Variants in CDH6 observed in about 807,000 individuals in gnomAD.
CDH6 encodes cadherin-6.
Under a neutral mutation model 78.0 loss-of-function variants are expected in CDH6, and 31 were observed. That is an observed-to-expected ratio of 0.40 (90% CI 0.30 to 0.54). CDH6 has a LOEUF of 0.54. Ranked by LOEUF, CDH6 falls within the 20% of genes least tolerant of loss-of-function variation. The probability of loss-of-function intolerance (pLI) is 0.56; values close to 1 mark genes in which losing one functional copy is unlikely to be tolerated. For missense variants in CDH6, 724 were observed against 975.9 expected (o/e 0.74, Z 3.44); for synonymous variants, 376 against 368.8 (o/e 1.02, Z -0.23).
chr5:31,305,164 C>T lies in CDH6; in HGVS notation c.1000-10C>T. The T allele has an allele frequency of 1.2e-6, 2 of 1,604,054 alleles. No homozygotes were observed. Among genetic ancestry groups the T allele is most frequent in the African/African-American group, 1.3e-5 (1 of 74,478 alleles). On this transcript the variant is annotated splice_polypyrimidine_tract_variant and intron_variant, in intron 6 of 11. Transcript: ENST00000265071. The stretch of plus-strand genomic sequence containing the variant: ...AATATGTCACTTCTTCCCCCACCCC[C>T]AACCTCAAGCTCTTGGACTTTGAAA...
intron 1 of CDH6, among the ~76,000 whole-genome samples, chr5:31,214,587 A>G (rs957156752): frequency 2.0e-5 from 3 of 152,224 alleles, no homozygotes; most frequent in Non-Finnish European, 2.9e-5. Context: ...TCTAAAAGAA[A>G]TCACATTGGA....
At chr5:31,206,094 G>A (rs1740511106) in intron 1 of CDH6, among the ~76,000 whole-genome samples, 1 of 152,124 alleles carries the variant, frequency 6.6e-6, no homozygotes, top group Non-Finnish European at 1.5e-5. Context: ...TGTGCCTTTT[G>A]TGCTCTATAT....
At chr5:31,216,372 G>A (rs1740863560) in intron 1 of CDH6, among the ~76,000 whole-genome samples, 1 of 151,868 alleles carries the variant, frequency 6.6e-6, no homozygotes, top group Non-Finnish European at 1.5e-5. Context: ...AAAATGGTTT[G>A]TCCATTTTTA....
At chr5:31,254,076 C>A (rs540815675) in intron 1 of CDH6, among the ~76,000 whole-genome samples, 13 of 152,250 alleles carry the variant, frequency 8.5e-5, no homozygotes, top group African/African-American at 3.1e-4. Flanking sequence ...CTTGCCCCCT[C>A]CCACAACATC....
At chr5:31,196,178 C>T (rs1335833576) in intron 1 of CDH6, among the ~76,000 whole-genome samples, 1 of 152,126 alleles carries the variant, frequency 6.6e-6, no homozygotes, top group Non-Finnish European at 1.5e-5. Context: ...ATCAGCTTTG[C>T]AAGGAAAAAC....
intron 1 of CDH6, among the ~76,000 whole-genome samples, chr5:31,201,154 A>G (rs1232280787): frequency 6.6e-6 from 1 of 152,166 alleles, no homozygotes. Flanking sequence ...ATTTATAATT[A>G]TTCTGTGAAG....
intron 2 of CDH6, among the ~76,000 whole-genome samples, chr5:31,288,386 C>T (rs1462569925): frequency 6.6e-6 from 1 of 152,142 alleles, no homozygotes; most frequent in Non-Finnish European, 1.5e-5. Context: ...TTTTGATTTA[C>T]CTAATCCTAT....
chr5:31,252,530 A>G (rs1741937982), intron 1 of CDH6, among the ~76,000 whole-genome samples: 1 of 152,142 alleles, frequency 6.6e-6, no homozygotes, highest in South Asian at 2.1e-4. Context: ...GCTAAATTAT[A>G]TTTTGGCTTA....
chr5:31,210,399 G>A (rs1179850005), intron 1 of CDH6, among the ~76,000 whole-genome samples: 4 of 152,110 alleles, frequency 2.6e-5, no homozygotes, highest in Non-Finnish European at 4.4e-5. Flanking sequence ...AGCTACTCAG[G>A]AGGCTGAGGC....
intron 1 of CDH6, among the ~76,000 whole-genome samples, chr5:31,221,261 A>G (rs1410976693): frequency 6.6e-6 from 1 of 152,186 alleles, no homozygotes; most frequent in Non-Finnish European, 1.5e-5. Flanking sequence ...ACTACTGATT[A>G]GATAGGTTGA....
intron 11 of CDH6, among the ~76,000 whole-genome samples, chr5:31,321,564 A>C (rs2149961777): frequency 6.6e-6 from 1 of 152,310 alleles, no homozygotes; most frequent in Non-Finnish European, 1.5e-5. Flanking sequence ...AGCACTTAGT[A>C]CAGGGCTTAA....
intron 1 of CDH6, chr5:31,250,930 G>A (rs1011347494): frequency 6.6e-6 from 1 of 152,496 alleles, no homozygotes; most frequent in African/African-American, 2.4e-5. Context: ...CAAGTCCACA[G>A]GAAAAGGTCC....
chr5:31,237,701 C>T (rs4452569), intron 1 of CDH6, among the ~76,000 whole-genome samples: 149,787 of 152,316 alleles, frequency 0.98, 73,679 homozygotes, highest in East Asian at 1. Flanking sequence ...GTGTGTGATA[C>T]ACATGTCACA....
chr5:31,250,225 C>T (rs937275930), intron 1 of CDH6: 3 of 152,300 alleles, frequency 2.0e-5, no homozygotes, highest in Non-Finnish European at 4.4e-5. Flanking sequence ...GGCAGAAGGC[C>T]CCAAGTCGGA....
rs552807055 is a variant in CDH6, at chr5:31,284,370, C to G, written c.229-9592C>G. On this transcript the variant is annotated intron_variant, in intron 2 of 11. Transcript: ENST00000265071. Reference sequence around the variant, plus strand: ...CTTCACATTCCTGGATGTCAAATAACACATACAAAGACTTATTTCTACTGC... The same window carrying G: ...CTTCACATTCCTGGATGTCAAATAAGACATACAAAGACTTATTTCTACTGC... 3.3e-5 allele frequency among the ~76,000 whole-genome samples: 5 copies of G among 152,314 alleles called. No homozygotes were observed. The South Asian group carries it at 1.0e-3, about 32-fold the overall frequency.
At chr5:31,278,535 A>G (rs1268156732) in intron 2 of CDH6, among the ~76,000 whole-genome samples, 10 of 152,224 alleles carry the variant, frequency 6.6e-5, no homozygotes, top group Admixed American at 6.5e-4. Context: ...AAAGGCAAAC[A>G]GATTTGGCCA....
At position 31,317,752 on chromosome 5, in the gene CDH6, T is replaced by A. The variant is rs1036815239; in HGVS notation, c.1710T>A (p.Ile570=). ...GCACCTATCTCTTGCCTGTGGTCAT[T>A]TCAGACAACGACTACCCAGTTCAAA... ...EMSTYLLPVV[I]SDNDYPVQSS... Residue 570 remains isoleucine, a synonymous_variant, in exon 11 of 12, where the codon ATT becomes ATA. Coordinates refer to ENST00000265071, the MANE Select transcript of CDH6 (RefSeq NM_004932.4). 9.9e-6 allele frequency: 16 copies of A among 1,614,044 alleles called. No homozygotes were observed. The highest frequency in any genetic ancestry group is 1.3e-5 in the Non-Finnish European group (15 of 1,180,028).
chr5:31,300,635 A>G (rs1737742066), intron 5 of CDH6, among the ~76,000 whole-genome samples: 2 of 152,192 alleles, frequency 1.3e-5, no homozygotes, highest in Non-Finnish European at 2.9e-5. Flanking sequence ...CCCAAAACCT[A>G]CTTTTTAATA....
intron 7 of CDH6, among the ~76,000 whole-genome samples, chr5:31,308,922 A>G (rs1435171035): frequency 6.6e-6 from 1 of 152,112 alleles, no homozygotes; most frequent in Non-Finnish European, 1.5e-5. Context: ...GAGAAAAAAT[A>G]TATATCTAGA....
Sources: allele counts gnomAD v4.1 joint callset (sites outside exome capture counted in the v4.1 genomes callset), GRCh38; gene constraint gnomAD v4.1.1; transcripts MANE v1.5; gene names NCBI Gene and HGNC (gene_info 2026-07-23, HGNC 2026-07-21).